Variants in CLASP1 observed in about 807,000 individuals in gnomAD.
CLASP1 encodes cytoplasmic linker associated protein 1, also known as CLIP-associating protein 1.
In CLASP1, 38 loss-of-function variants were observed where a neutral mutation model predicts 192.3. The observed-to-expected ratio is 0.20, with a 90% confidence interval of 0.15 to 0.26. The LOEUF (loss-of-function observed/expected upper bound fraction) is 0.26. Ranked by LOEUF, CLASP1 falls within the 10% of genes least tolerant of loss-of-function variation. The pLI is 1.00. For synonymous variants in CLASP1, 691 were observed against 712.8 expected (o/e 0.97, Z 0.49); for missense variants, 1,433 against 1,932.5 (o/e 0.74, Z 4.85).
intron 34 of CLASP1, among the ~76,000 whole-genome samples, chr2:121,374,175 T>A (rs1224941228): frequency 6.6e-6 from 1 of 152,240 alleles, no homozygotes; most frequent in Non-Finnish European, 1.5e-5. Context: ...TCCTAGCTGC[T>A]CCAGCTCCAG....
chr2:121,624,085 G>T (rs1055245474), intron 1 of CLASP1, among the ~76,000 whole-genome samples: 12 of 151,896 alleles, frequency 7.9e-5, no homozygotes, highest in African/African-American at 2.9e-4. Flanking sequence ...TCTTTGCACA[G>T]AACCTATTTT....
rs78524201 is a variant in CLASP1 at position 121,339,963 on chromosome 2, C to T, written c.*898G>A. ...CAAGTTGGTGCTCAATCTGAATCAC[C>T]GTGTAGCCCAGAGATGAGGGTCTTG... On this transcript the variant is annotated 3_prime_UTR_variant, in exon 40 of 40. Transcript: ENST00000263710. The T allele has an allele frequency of 5.8e-3, 884 of 152,262 alleles. 1 individual carries two copies. The highest frequency in any genetic ancestry group is 9.9e-3 in the Non-Finnish European group (675 of 68,036). 9.4% of individuals were successfully genotyped at this position (152,262 alleles called of 1,614,324 possible).
At position 121,339,779 on chromosome 2, in the gene CLASP1, A is replaced by T. The variant is rs544917118; in HGVS notation, c.*1082T>A. 3.9e-5 allele frequency: 6 copies of T among 152,264 alleles called. No individual in the cohort carries two copies. The South Asian group carries it at 1.0e-3, about 26-fold the overall frequency. The allele number at this position is 152,264 out of a possible 1,614,324, so 9.4% of individuals were successfully genotyped here. ...AGGAACTACTTCAGTTTATAAAATT[A>T]AAAAAAATTGTGATATCCAGTCTCT... On this transcript the variant is annotated 3_prime_UTR_variant, in exon 40 of 40. Transcript: ENST00000263710.
At chr2:121,430,361 G>A (rs1390423357) in intron 19 of CLASP1, among the ~76,000 whole-genome samples, 184 bp from the exon 20 acceptor site, 1 of 152,276 alleles carries the variant, frequency 6.6e-6, no homozygotes, top group African/African-American at 2.4e-5. Flanking sequence ...GCGCACATGC[G>A]CATATGATCC....
At chr2:121,556,126 G>A (rs2058545579) in intron 2 of CLASP1, among the ~76,000 whole-genome samples, 1 of 149,182 alleles carries the variant, frequency 6.7e-6, no homozygotes, top group African/African-American at 2.5e-5. Flanking sequence ...TGGAATTACA[G>A]GCACACACCA....
At chr2:121,553,209 A>T (rs1260984443) in intron 2 of CLASP1, among the ~76,000 whole-genome samples, 1 of 152,130 alleles carries the variant, frequency 6.6e-6, no homozygotes, top group Non-Finnish European at 1.5e-5. Context: ...GGGTGGGAGG[A>T]GGGAGAGGAG....
At chr2:121,446,760 G>A (rs907630272) in intron 19 of CLASP1, among the ~76,000 whole-genome samples, 8 of 152,132 alleles carry the variant, frequency 5.3e-5, no homozygotes, top group African/African-American at 1.4e-4. Flanking sequence ...ATCAGAGTAA[G>A]GGCATGCTCC....
chr2:121,571,963 G>T (rs1287910354), intron 2 of CLASP1, among the ~76,000 whole-genome samples: 1 of 150,522 alleles, frequency 6.6e-6, no homozygotes, highest in East Asian at 1.9e-4. Flanking sequence ...ATGTAGTACT[G>T]ATTACAAAAA....
intron 1 of CLASP1, among the ~76,000 whole-genome samples, chr2:121,640,265 A>G (rs2071785965): frequency 6.6e-6 from 1 of 152,186 alleles, no homozygotes; most frequent in African/African-American, 2.4e-5. Context: ...GAAATACCTA[A>G]TGTAAATGAC....
chr2:121,458,657 T>C (rs1328657950), intron 13 of CLASP1, among the ~76,000 whole-genome samples, 183 bp downstream of exon 13: 2 of 152,184 alleles, frequency 1.3e-5, no homozygotes, highest in Non-Finnish European at 2.9e-5. Context: ...TTATGGATTA[T>C]AAAAAGCTCA....
chr2:121,595,710 T>G (rs2105807689), intron 2 of CLASP1, among the ~76,000 whole-genome samples: 1 of 152,314 alleles, frequency 6.6e-6, no homozygotes, highest in East Asian at 1.9e-4. Flanking sequence ...AACTGATGGA[T>G]TCATATCTTA....
intron 1 of CLASP1, among the ~76,000 whole-genome samples, chr2:121,632,367 C>T (rs2069853525): frequency 6.6e-6 from 1 of 152,224 alleles, no homozygotes; most frequent in East Asian, 1.9e-4. Flanking sequence ...ATGTCAACTT[C>T]TGGGAATTTA....
At chr2:121,618,484 A>G (rs2066811485) in intron 1 of CLASP1, among the ~76,000 whole-genome samples, 1 of 152,210 alleles carries the variant, frequency 6.6e-6, no homozygotes, top group Non-Finnish European at 1.5e-5. Context: ...CAACCTGTAA[A>G]CATTGCTGAT....
At chr2:121,609,918 A>T (rs557703121) in intron 1 of CLASP1, among the ~76,000 whole-genome samples, 7 of 152,340 alleles carry the variant, frequency 4.6e-5, no homozygotes, top group African/African-American at 1.7e-4. Flanking sequence ...CAGCCTGGCA[A>T]CAGAGAGAGA....
At position 121,404,360 on chromosome 2, in the gene CLASP1, T is replaced by G; in HGVS notation, c.2733+11A>C. On this transcript the variant is annotated intron_variant, in intron 26 of 39. Coordinates refer to ENST00000263710, the Ensembl canonical transcript of CLASP1. ...GGGGTAAAGACAGGGCAGGCATGAC[T>G]TCAGACTTACCTTGCTATGAGGGTC... is the stretch of plus-strand genomic sequence containing the variant. 6.2e-7 allele frequency: 1 copy of G among 1,610,990 alleles called. No homozygotes were observed. Among genetic ancestry groups the G allele is most frequent in the Non-Finnish European group, 8.5e-7 (1 of 1,178,744 alleles).
intron 1 of CLASP1, among the ~76,000 whole-genome samples, chr2:121,636,408 A>G (rs964789938): frequency 9.3e-5 from 14 of 150,856 alleles, no homozygotes; most frequent in African/African-American, 3.4e-4. Context: ...TCATGCCTGT[A>G]ATCCCAACAC....
At chr2:121,371,705 C>G (rs1016567708) in intron 34 of CLASP1, among the ~76,000 whole-genome samples, 1 of 152,148 alleles carries the variant, frequency 6.6e-6, no homozygotes, top group African/African-American at 2.4e-5. Context: ...CTGCCTCAAG[C>G]CCCTAAAGCC....
intron 2 of CLASP1, among the ~76,000 whole-genome samples, chr2:121,560,884 G>A (rs1196444878): frequency 6.6e-6 from 1 of 152,280 alleles, no homozygotes; most frequent in East Asian, 1.9e-4. Context: ...ACAGGAGCCT[G>A]CCACCACAAC....
At chr2:121,640,681 T>A (rs2071885812) in intron 1 of CLASP1, among the ~76,000 whole-genome samples, 1 of 139,056 alleles carries the variant, frequency 7.2e-6, no homozygotes, top group African/African-American at 3.2e-5. Flanking sequence ...CAACCTGAGC[T>A]GGAAAAAAAA....
Sources: gnomAD v4.1 joint callset for allele counts (sites outside exome capture counted in the v4.1 genomes callset) on GRCh38, gnomAD v4.1.1 for gene constraint, MANE v1.5 for transcripts, NCBI Gene and HGNC (gene_info 2026-07-23, HGNC 2026-07-21) for gene names.